Variants in RORA observed in about 807,000 individuals in gnomAD.
RORA encodes RAR related orphan receptor A.
RORA carries 7 observed loss-of-function variants against 69.5 expected under a neutral mutation model. That is an observed-to-expected ratio of 0.10 (90% CI 0.06 to 0.19). The LOEUF is 0.19. Among genes scored for constraint, RORA ranks in the 10% least tolerant of loss-of-function variants. The pLI, the probability that RORA is intolerant of heterozygous loss-of-function variation, is 1.00. For missense variants in RORA, 457 were observed against 663.0 expected (o/e 0.69, Z 3.41); for synonymous variants, 261 against 240.8 (o/e 1.08, Z -0.78).
chr15:60,566,565 C>G (rs2067718984), intron 2 of RORA, among the ~76,000 whole-genome samples: 1 of 152,150 alleles, frequency 6.6e-6, no homozygotes. Context: ...AGTTGGGTTC[C>G]TAGCCTCCAA....
chr15:60,654,545 C>G (rs562735385), intron 2 of RORA, among the ~76,000 whole-genome samples: 1 of 152,180 alleles, frequency 6.6e-6, no homozygotes, highest in Admixed American at 6.5e-5. Context: ...TCCCCACCCC[C>G]ACTCCCCAAT....
At chr15:61,054,127 A>G (rs563519315) in intron 1 of RORA, among the ~76,000 whole-genome samples, 1 of 152,138 alleles carries the variant, frequency 6.6e-6, no homozygotes, top group South Asian at 2.1e-4. Flanking sequence ...CATGAAGGAA[A>G]ATAAAATTAA....
At position 60,855,300 on chromosome 15, in the gene RORA, A is replaced by G. The variant is rs576544350; in HGVS notation, c.167-176614T>C. ...GCAGAACAGCTAAAGCTTAGGATCA[A>G]CTTTTACAGTAACATGGAAACCACA... On this transcript the variant is annotated intron_variant, in intron 1 of 10. Transcript: ENST00000335670. Among the ~76,000 whole-genome samples, 9 of 152,324 alleles carry G rather than the reference A, an allele frequency of 5.9e-5. No homozygotes were observed. In the South Asian group the frequency reaches 1.9e-3, roughly 32 times the overall value.
At chr15:61,204,842 T>C (rs759285560) in intron 1 of RORA, among the ~76,000 whole-genome samples, 5 of 152,160 alleles carry the variant, frequency 3.3e-5, no homozygotes, top group Non-Finnish European at 7.3e-5. Context: ...AAACATAAAA[T>C]CCTGGCTATC....
intron 1 of RORA, among the ~76,000 whole-genome samples, chr15:61,035,947 T>C (rs1456390407): frequency 6.6e-6 from 1 of 152,032 alleles, no homozygotes; most frequent in Non-Finnish European, 1.5e-5. Context: ...TGGACATAAA[T>C]GCTAAGAGGG....
At chr15:60,855,933 A>T (rs1328269673) in intron 1 of RORA, among the ~76,000 whole-genome samples, 1 of 152,192 alleles carries the variant, frequency 6.6e-6, no homozygotes. Flanking sequence ...TTATTTTTTT[A>T]AAAAGCATTT....
At chr15:60,685,619 G>A (rs1185601205) in intron 1 of RORA, among the ~76,000 whole-genome samples, 2 of 152,082 alleles carry the variant, frequency 1.3e-5, no homozygotes, top group Admixed American at 6.6e-5. Context: ...TCCTTGTCTA[G>A]GACAAAAGAA....
At chr15:60,597,551 C>CAACATATAT (rs1555435946) in intron 2 of RORA, among the ~76,000 whole-genome samples, 5 of 25,130 alleles carry the variant, frequency 2.0e-4, no homozygotes, top group Non-Finnish European at 3.7e-4. Flanking sequence ...ACACACACAA[C>CAACATATAT]ATATATATAT....
chr15:60,786,943 C>A (rs890592378), intron 1 of RORA, among the ~76,000 whole-genome samples: 1 of 152,212 alleles, frequency 6.6e-6, no homozygotes, highest in African/African-American at 2.4e-5. Flanking sequence ...AGAACCATGG[C>A]TTTTCTCAGG....
At chr15:60,573,795 C>A (rs528525838) in intron 2 of RORA, among the ~76,000 whole-genome samples, 3 of 152,350 alleles carry the variant, frequency 2.0e-5, no homozygotes, top group African/African-American at 7.2e-5. Context: ...TTGTGCTCCT[C>A]CTCTGTGCTC....
intron 1 of RORA, among the ~76,000 whole-genome samples, chr15:61,082,457 C>T: frequency 6.6e-6 from 1 of 152,214 alleles, no homozygotes; most frequent in East Asian, 1.9e-4. Flanking sequence ...CCATTGCACT[C>T]TAGCCTGGGT....
At chr15:61,068,828 C>T (rs56806362) in intron 1 of RORA, among the ~76,000 whole-genome samples, 56 of 152,264 alleles carry the variant, frequency 3.7e-4, no homozygotes, top group African/African-American at 1.3e-3. Flanking sequence ...CAGTTAAAAC[C>T]ATTTCTCCAC....
At chr15:61,098,795 C>T (rs2078835579) in intron 1 of RORA, among the ~76,000 whole-genome samples, 1 of 152,180 alleles carries the variant, frequency 6.6e-6, no homozygotes, top group Non-Finnish European at 1.5e-5. Flanking sequence ...AACTTAACTC[C>T]TCTTGATTAC....
chr15:61,100,979 T>C (rs1364071565), intron 1 of RORA, among the ~76,000 whole-genome samples: 2 of 152,246 alleles, frequency 1.3e-5, no homozygotes, highest in Admixed American at 6.5e-5. Context: ...TGATAGTTTA[T>C]GACTGTCTCT....
intron 1 of RORA, among the ~76,000 whole-genome samples, chr15:60,888,924 T>A (rs1033849159): frequency 6.9e-5 from 1 of 14,440 alleles, no homozygotes; most frequent in African/African-American, 2.7e-4. Flanking sequence ...AGTGGGAGGG[T>A]GGGTGGGGGC....
chr15:60,945,526 G>C (rs1429515220), intron 1 of RORA, among the ~76,000 whole-genome samples: 1 of 152,126 alleles, frequency 6.6e-6, no homozygotes, highest in Non-Finnish European at 1.5e-5. Flanking sequence ...GTGCTTGTTA[G>C]AAAAAATACT....
intron 2 of RORA, among the ~76,000 whole-genome samples, chr15:60,644,715 G>C (rs1380945302): frequency 6.6e-6 from 1 of 152,168 alleles, no homozygotes; most frequent in African/African-American, 2.4e-5. Context: ...TTCCCAAAGA[G>C]ACAAACCGTG....
intron 1 of RORA, among the ~76,000 whole-genome samples, chr15:60,815,052 C>T (rs533064318): frequency 1.3e-5 from 2 of 152,118 alleles, no homozygotes; most frequent in South Asian, 2.1e-4. Flanking sequence ...TTTTTTCCCA[C>T]GGTTTGACCT....
At chr15:60,875,163 A>G (rs1173458762) in intron 1 of RORA, among the ~76,000 whole-genome samples, 2 of 152,208 alleles carry the variant, frequency 1.3e-5, no homozygotes, top group Non-Finnish European at 2.9e-5. Flanking sequence ...ACAAAGTTGG[A>G]AAGTTTATTC....
Sources: gnomAD v4.1 joint callset for allele counts (sites outside exome capture counted in the v4.1 genomes callset) on GRCh38, gnomAD v4.1.1 for gene constraint, MANE v1.5 for transcripts, NCBI Gene and HGNC (gene_info 2026-07-23, HGNC 2026-07-21) for gene names.